The following SHPRH variants were observed in gnomAD, a reference collection of about 807,000 sequenced individuals.
SHPRH encodes E3 ubiquitin-protein ligase SHPRH.
In SHPRH, 106 loss-of-function variants were observed where a neutral mutation model predicts 202.5. The observed-to-expected ratio is 0.52, with a 90% CI of 0.45 to 0.62. The LOEUF is 0.62. Ranked by LOEUF, SHPRH falls within the 20% of genes least tolerant of loss-of-function variation. The pLI is 0.00. For missense variants in SHPRH, 1,710 were observed against 2,020.0 expected (o/e 0.85, Z 2.94); for synonymous variants, 729 against 686.0 (o/e 1.06, Z -0.98).
intron 2 of SHPRH, among the ~76,000 whole-genome samples, chr6:145,873,912 G>A (rs1326751653): frequency 2.6e-5 from 4 of 152,100 alleles, no homozygotes; most frequent in Non-Finnish European, 4.4e-5. Context: ...CAAAATGTGT[G>A]GGCAGGCTGG....
chr6:145,924,523 A>G (rs1030300832), intron 17 of SHPRH, among the ~76,000 whole-genome samples: 3 of 151,976 alleles, frequency 2.0e-5, no homozygotes, highest in Non-Finnish European at 2.9e-5. Context: ...CAAAAGAAAG[A>G]GAACTCAAAA....
intron 25 of SHPRH, chr6:145,906,553 C>T (rs181310049): frequency 5.3e-5 from 8 of 152,222 alleles, no homozygotes; most frequent in Admixed American, 5.2e-4. Context: ...ACTTGTATTA[C>T]AAATTATCCT....
At chr6:145,879,381 C>T (rs1426118452) in intron 2 of SHPRH, among the ~76,000 whole-genome samples, 1 of 151,992 alleles carries the variant, frequency 6.6e-6, no homozygotes, top group Non-Finnish European at 1.5e-5. Flanking sequence ...AACTTAACAC[C>T]ATATATTTTG....
intron 25 of SHPRH, chr6:145,905,382 C>A (rs1158163625): frequency 6.6e-6 from 1 of 152,074 alleles, no homozygotes; most frequent in African/African-American, 2.4e-5. Context: ...CTCAGGGCTG[C>A]ACCATAAGTC....
chr6:145,957,036 A>G (rs188409866), intron 1 of SHPRH, among the ~76,000 whole-genome samples: 9 of 152,252 alleles, frequency 5.9e-5, no homozygotes, highest in East Asian at 5.8e-4. Context: ...AGTGGTGTAA[A>G]GACCAACATA....
At position 145,913,537 on chromosome 6, in the gene SHPRH, T is replaced by C. The variant is rs1783681222; in HGVS notation, c.4267A>G (p.Thr1423Ala). Residue 1423 changes from threonine (T) to alanine (A), a missense_variant, in exon 24 of 30, where the codon ACA (threonine) becomes GCA (alanine). Coordinates refer to ENST00000275233, the MANE Select transcript of SHPRH (RefSeq NM_001042683.3). ...LTNLEKSQDK[T>A]SGGVNPEPCP... ...GGTTCTGGATTAACACCTCCCGATG[T>C]TTTATCTTGAGACTATCCAAAAAAG... The C allele has an allele frequency of 1.2e-6, 2 of 1,608,474 alleles. No homozygotes were observed. Among genetic ancestry groups the C allele is most frequent in the African/African-American group, 1.3e-5 (1 of 74,572 alleles).
intron 2 of SHPRH, chr6:145,877,596 A>G (rs1780360331): frequency 6.6e-6 from 1 of 152,188 alleles, no homozygotes; most frequent in Non-Finnish European, 1.5e-5. Flanking sequence ...TCCACATTCC[A>G]TAGAAAATCT....
intron 1 of SHPRH, among the ~76,000 whole-genome samples, chr6:145,960,727 C>T (rs947076224): frequency 2.5e-4 from 38 of 152,098 alleles, no homozygotes; most frequent in African/African-American, 9.2e-4. Context: ...AGTACAACAG[C>T]AGTACTAGAA....
At chr6:145,867,038 A>G (rs1034403167) in intron 2 of SHPRH, among the ~76,000 whole-genome samples, 1 of 152,208 alleles carries the variant, frequency 6.6e-6, no homozygotes, top group Non-Finnish European at 1.5e-5. Context: ...TATATTAAAA[A>G]CACTTCAGTT....
intron 14 of SHPRH, among the ~76,000 whole-genome samples, chr6:145,929,852 A>G (rs141176061): frequency 3.5e-4 from 53 of 152,240 alleles, no homozygotes; most frequent in African/African-American, 1.2e-3. Context: ...GAGCAGGTTG[A>G]AAGTGGTAAG....
intron 6 of SHPRH, 142 bp from the exon 7 acceptor site, chr6:145,946,483 T>C (rs934542850): frequency 1.9e-6 from 1 of 534,120 alleles, no homozygotes; most frequent in Non-Finnish European, 3.2e-6. Context: ...TAGCTGTAGA[T>C]ACATACACAG....
intron 11 of SHPRH, among the ~76,000 whole-genome samples, chr6:145,938,168 C>A (rs1343496221): frequency 1.3e-5 from 2 of 151,698 alleles, no homozygotes; most frequent in African/African-American, 4.9e-5. Flanking sequence ...GTGACTCAGT[C>A]ATGAGGGTGG....
chr6:145,910,565 C>A lies in SHPRH; in HGVS notation c.4398G>T (p.Val1466=). The change falls in exon 25 of 30, where the codon GTG becomes GTT. Residue 1466 remains valine (V), a synonymous_variant. Coordinates refer to ENST00000275233, the MANE Select transcript of SHPRH (RefSeq NM_001042683.3). Reference sequence around the variant, plus strand: ...ACTTAATGGAGCTTCTGTGAGATCCCACGCTGTATTGTTCAATAATTATAG... The same window carrying A: ...ACTTAATGGAGCTTCTGTGAGATCCAACGCTGTATTGTTCAATAATTATAG... ...CISIIIEQYS[V]GSHRSSIKCA... The A allele has an allele frequency of 6.2e-7, 1 of 1,612,762 alleles. No homozygotes were observed. The highest frequency in any genetic ancestry group is 8.5e-7 in the Non-Finnish European group (1 of 1,179,558).
intron 23 of SHPRH, among the ~76,000 whole-genome samples, chr6:145,914,340 C>T (rs1481183076): frequency 6.6e-6 from 1 of 152,118 alleles, no homozygotes; most frequent in Non-Finnish European, 1.5e-5. Flanking sequence ...AGGGTCATTG[C>T]TGTAGCACTT....
At chr6:145,895,896 C>T (rs1781974928) in intron 25 of SHPRH, among the ~76,000 whole-genome samples, 1 of 152,014 alleles carries the variant, frequency 6.6e-6, no homozygotes, top group Non-Finnish European at 1.5e-5. Context: ...TTTAGCCTAA[C>T]ATCTGGTAAG....
At chr6:145,862,664 G>A (rs1307423464), downstream of SHPRH, 2 of 152,208 alleles carry the variant, frequency 1.3e-5, no homozygotes, top group African/African-American at 4.8e-5. Context: ...CAGTTACATA[G>A]TAGATGTTGA....
At chr6:145,867,631 T>TATATATATATATATAGAG (rs1554220329) in intron 2 of SHPRH, among the ~76,000 whole-genome samples, 3 of 22,318 alleles carry the variant, frequency 1.3e-4, no homozygotes, top group Non-Finnish European at 2.3e-4. Flanking sequence ...TATATATATA[T>TATATATATATATATAGAG]AGAGAGAGAG....
At chr6:145,859,018 T>C in the SHPRH span, among the ~76,000 whole-genome samples, 1 of 152,068 alleles carries the variant, frequency 6.6e-6, no homozygotes, top group Non-Finnish European at 1.5e-5. Flanking sequence ...AAAATGATAG[T>C]TTGATATTAA....
chr6:145,881,672 G>T (rs1394547556), downstream of SHPRH: 1 of 152,202 alleles, frequency 6.6e-6, no homozygotes, highest in Non-Finnish European at 1.5e-5. Flanking sequence ...CTCCAGTTAG[G>T]AATGCTTGGT....
Sources: allele counts gnomAD v4.1 joint callset (sites outside exome capture counted in the v4.1 genomes callset), GRCh38; gene constraint gnomAD v4.1.1; transcripts MANE v1.5; gene names NCBI Gene and HGNC (gene_info 2026-07-23, HGNC 2026-07-21).